PDIA5: variants seen among roughly 807,000 people sequenced by gnomAD.
PDIA5 encodes protein disulfide isomerase family A member 5.
Under a neutral mutation model 77.6 loss-of-function variants are expected in PDIA5, and 58 were observed. That is an observed-to-expected ratio of 0.75 (90% CI 0.61 to 0.93). The LOEUF (loss-of-function observed/expected upper bound fraction) is 0.93, where lower values mean the gene tolerates loss of function less well. Among genes scored for constraint, PDIA5 ranks in the 40% least tolerant of loss-of-function variants. The pLI, the probability that PDIA5 is intolerant of heterozygous loss-of-function variation, is 0.00. For missense variants in PDIA5, 630 were observed against 647.7 expected (o/e 0.97, Z 0.30); for synonymous variants, 250 against 252.1 (o/e 0.99, Z 0.08).
chr3:123,092,511 G>A lies in PDIA5; in HGVS notation c.257+69G>A, dbSNP rs114043854. On this transcript the variant is annotated intron_variant, in intron 3 of 16. Transcript: ENST00000316218. ...GGCACTTGGGGCTTTGATTGGTGGG[G>A]ACAGGAACTGTCTCTTGATTAATAA... The A allele has an allele frequency of 8.4e-6, 9 of 1,074,628 alleles. No individual in the cohort carries two copies. In the South Asian group the frequency reaches 1.0e-4, roughly 12 times the overall value. The allele number at this position is 1,074,628 out of a possible 1,614,324, so 66.6% of individuals were successfully genotyped here.
intron 3 of PDIA5, among the ~76,000 whole-genome samples, chr3:123,100,748 T>C (rs77242012): frequency 2.6e-3 from 399 of 152,356 alleles, no homozygotes; most frequent in Non-Finnish European, 4.7e-3. Context: ...CTTCGTTTTT[T>C]ACATGTCCAC....
chr3:123,128,506 TTTTA>T (rs1373600152), intron 10 of PDIA5, among the ~76,000 whole-genome samples: 1 of 151,938 alleles, frequency 6.6e-6, no homozygotes, highest in African/African-American at 2.4e-5. Flanking sequence ...ATTTTTTATT[TTTTA>T]TTTTTTTATT....
intron 8 of PDIA5, among the ~76,000 whole-genome samples, chr3:123,119,209 T>C (rs889891888): frequency 1.2e-4 from 18 of 152,154 alleles, no homozygotes; most frequent in Admixed American, 9.2e-4. Flanking sequence ...GGAGCTATGA[T>C]TGCACCATGC....
rs375926449 is a variant in PDIA5 at position 123,092,340 on chromosome 3, GT to G, written c.170-5del. 586 of 1,339,552 alleles carry G rather than the reference GT, an allele frequency of 4.4e-4. No individual in the cohort carries two copies. The highest frequency in any genetic ancestry group is 4.8e-4 in the Non-Finnish European group (461 of 969,994). The allele number at this position is 1,339,552 out of a possible 1,614,324, so 83.0% of individuals were successfully genotyped here. A position where few individuals can be genotyped will look rare whatever the true frequency, so the allele number is the denominator to read the frequency against. On this transcript the variant is annotated splice_polypyrimidine_tract_variant and intron_variant, in intron 2 of 16. Coordinates refer to ENST00000316218, the MANE Select transcript of PDIA5 (RefSeq NM_006810.4). The stretch of plus-strand genomic sequence containing the variant: ...CTTGGTCACAGATGTTTAATTTTTT[GT>G]TTTTTTTTTACAGAGGTGGCAGCTG...
At chr3:123,126,263 G>T (rs1379636960) in intron 10 of PDIA5, among the ~76,000 whole-genome samples, 1 of 147,884 alleles carries the variant, frequency 6.8e-6, no homozygotes, top group East Asian at 2.0e-4. Context: ...CACCCGCATT[G>T]CTCCGGCTGG....
chr3:123,138,143 A>T (rs1167555691), intron 11 of PDIA5, among the ~76,000 whole-genome samples: 6 of 152,014 alleles, frequency 3.9e-5, no homozygotes, highest in Non-Finnish European at 5.9e-5. Context: ...GTGGAGTCTC[A>T]CTATGTTGCC....
intron 11 of PDIA5, among the ~76,000 whole-genome samples, chr3:123,140,103 A>T (rs1166314543): frequency 1.3e-5 from 2 of 152,018 alleles, no homozygotes; most frequent in African/African-American, 2.4e-5. Flanking sequence ...AAAGAGGGGT[A>T]AGCCGCATAC....
intron 7 of PDIA5, among the ~76,000 whole-genome samples, chr3:123,114,599 G>C (rs1045562279): frequency 8.5e-5 from 13 of 152,212 alleles, no homozygotes; most frequent in Admixed American, 3.3e-4. Flanking sequence ...TGCGCCATCT[G>C]CAGCCTCCTG....
rs1045356569 is a variant in PDIA5, at chr3:123,124,002, C to T, written c.610-64C>T. 2.7e-5 allele frequency: 26 copies of T among 971,640 alleles called. No homozygotes were observed. The East Asian group carries it at 3.8e-4, about 14-fold the overall frequency. The allele number at this position is 971,640 out of a possible 1,614,324, so 60.2% of individuals were successfully genotyped here. ...GGTGGGACAGCAGCTGGACAGATGG[C>T]GTGTGGACTAGAGGGTGTCTGTGGG... On this transcript the variant is annotated intron_variant, in intron 8 of 16. Transcript: ENST00000316218.
At chr3:123,093,311 T>A (rs1934346724) in intron 3 of PDIA5, among the ~76,000 whole-genome samples, 1 of 152,096 alleles carries the variant, frequency 6.6e-6, no homozygotes, top group Admixed American at 6.5e-5. Flanking sequence ...ATTCAGATAC[T>A]AACTGAACAG....
At position 123,125,994 on chromosome 3, in the gene PDIA5, A is replaced by G. The variant is rs116854012; in HGVS notation, c.773+1651A>G. 2.8e-3 allele frequency among the ~76,000 whole-genome samples: 432 copies of G among 152,286 alleles called. 12 individuals carry two copies. In the East Asian group the frequency reaches 0.061, roughly 22 times the overall value. On this transcript the variant is annotated intron_variant, in intron 10 of 16. Transcript: ENST00000316218. ...TGGGAGAAGGTCTCAACAAATAGCA[A>G]TCTCATTTGTCACTAGAGCATAAAA... is the stretch of plus-strand genomic sequence containing the variant.
At chr3:123,147,978 G>A (rs979226830) in intron 13 of PDIA5, among the ~76,000 whole-genome samples, 1 of 152,184 alleles carries the variant, frequency 6.6e-6, no homozygotes, top group Non-Finnish European at 1.5e-5. Context: ...GCGAGCATGA[G>A]GGGCCTCTGT....
At chr3:123,101,847 C>T (rs1576443188) in intron 3 of PDIA5, among the ~76,000 whole-genome samples, 1 of 150,274 alleles carries the variant, frequency 6.7e-6, no homozygotes, top group East Asian at 2.0e-4. Context: ...TGTTGCCACC[C>T]ACAAGTTGTG....
chr3:123,124,406 G>A, intron 10 of PDIA5, 63 bp downstream of exon 10: 1 of 1,178,488 alleles, frequency 8.5e-7, no homozygotes, highest in Admixed American at 1.7e-5. Context: ...TGCCGGGCCT[G>A]AGGGTCGCAG....
chr3:123,078,403 C>CT (rs1349823146), intron 1 of PDIA5, among the ~76,000 whole-genome samples: 1 of 151,820 alleles, frequency 6.6e-6, no homozygotes, highest in Non-Finnish European at 1.5e-5. Flanking sequence ...TCTTTCTTTC[C>CT]TTTTTTTTAG....
At chr3:123,121,900 G>A (rs28592713) in intron 8 of PDIA5, among the ~76,000 whole-genome samples, 17,693 of 152,236 alleles carry the variant, frequency 0.12, 1,052 homozygotes, top group Non-Finnish European at 0.13. Flanking sequence ...GGAAATGCGC[G>A]ACCCCATGGG....
Position 123,067,617 on chromosome 3 carries a change from C to A in PDIA5, c.42+411C>A, listed in dbSNP as rs936532842. ...ATGGGGGTGCTTACTACCTGCACTG[C>A]CGGAAACCTTGGTTTAGGGCCACCT... On this transcript the variant is annotated intron_variant, in intron 1 of 16. Transcript: ENST00000316218. 16 of 187,062 alleles carry A rather than the reference C, an allele frequency of 8.6e-5. No homozygotes were observed. In the East Asian group the frequency reaches 1.9e-3, roughly 22 times the overall value. 11.6% of individuals were successfully genotyped at this position (187,062 alleles called of 1,614,324 possible).
intron 11 of PDIA5, among the ~76,000 whole-genome samples, chr3:123,144,353 A>G (rs967408890): frequency 6.6e-6 from 1 of 152,140 alleles, no homozygotes; most frequent in African/African-American, 2.4e-5. Flanking sequence ...ATCCTAGTTA[A>G]TGCATGGTCC....
chr3:123,146,115 C>T lies in PDIA5; in HGVS notation c.998C>T (p.Ala333Val), dbSNP rs371876574. ...HGEADSSGVL[A>V]AVDATVNKAL... ...CCATCCCAGAGCTCTGGTGTCCTTGCAGCTGTCGATGCCACTGTCAACAAG... is the reference window on the plus strand; with the variant it reads ...CCATCCCAGAGCTCTGGTGTCCTTGTAGCTGTCGATGCCACTGTCAACAAG... The change falls in exon 13 of 17, where the codon GCA (alanine) becomes GTA (valine). Residue 333 changes from alanine to valine, a missense_variant. Coordinates refer to ENST00000316218, the MANE Select transcript of PDIA5 (RefSeq NM_006810.4). 1.9e-6 allele frequency: 3 copies of T among 1,614,156 alleles called. No individual in the cohort carries two copies. The highest frequency in any genetic ancestry group is 2.7e-5 in the African/African-American group (2 of 75,052).
Sources: gnomAD v4.1 joint callset for allele counts (sites outside exome capture counted in the v4.1 genomes callset) on GRCh38, gnomAD v4.1.1 for gene constraint, MANE v1.5 for transcripts, NCBI Gene and HGNC (gene_info 2026-07-23, HGNC 2026-07-21) for gene names.